RALGAPA2: variants seen among roughly 807,000 people sequenced by gnomAD.
RALGAPA2 encodes the protein Ral GTPase activating protein catalytic subunit alpha 2.
Under a neutral mutation model 230.4 loss-of-function variants are expected in RALGAPA2, and 139 were observed. The observed-to-expected ratio is 0.60, with a 90% CI of 0.53 to 0.69. The LOEUF (loss-of-function observed/expected upper bound fraction) is 0.69. RALGAPA2 is among the 30% of genes least tolerant of loss of function. RALGAPA2 has a pLI of 0.00. For missense variants in RALGAPA2, 2,163 were observed against 2,276.0 expected (o/e 0.95, Z 1.01); for synonymous variants, 847 against 837.8 (o/e 1.01, Z -0.19).
chr20:20,647,985 C>G (rs958006642), intron 4 of RALGAPA2, among the ~76,000 whole-genome samples: 9 of 152,088 alleles, frequency 5.9e-5, no homozygotes, highest in Non-Finnish European at 1.2e-4. Flanking sequence ...TCAGCCATTC[C>G]ACTCCCAAGA....
At chr20:20,511,669 G>C (rs1357145859) in intron 32 of RALGAPA2, among the ~76,000 whole-genome samples, 1 of 152,106 alleles carries the variant, frequency 6.6e-6, no homozygotes, top group Non-Finnish European at 1.5e-5. Context: ...CACTATCAGG[G>C]TCCAGCTCAA....
intron 37 of RALGAPA2, among the ~76,000 whole-genome samples, chr20:20,419,535 T>C (rs767693950): frequency 6.6e-6 from 1 of 152,088 alleles, no homozygotes; most frequent in African/African-American, 2.4e-5. Flanking sequence ...TTTCAGAAAG[T>C]TGTGGGGAAC....
intron 37 of RALGAPA2, among the ~76,000 whole-genome samples, chr20:20,450,402 A>G (rs1001927515): frequency 6.6e-6 from 1 of 152,264 alleles, no homozygotes; most frequent in Non-Finnish European, 1.5e-5. Flanking sequence ...TTTCATATTT[A>G]TTCCATACAA....
At chr20:20,435,153 C>T (rs1183591766) in intron 37 of RALGAPA2, among the ~76,000 whole-genome samples, 5 of 152,232 alleles carry the variant, frequency 3.3e-5, no homozygotes, top group Admixed American at 3.3e-4. Context: ...ACTGCAGACC[C>T]TTTTCCTCAA....
At chr20:20,684,180 C>A (rs1303160717) in intron 1 of RALGAPA2, among the ~76,000 whole-genome samples, 2 of 152,144 alleles carry the variant, frequency 1.3e-5, no homozygotes, top group Non-Finnish European at 2.9e-5. Flanking sequence ...CAAGTGCCCC[C>A]ATGTGTCACT....
intron 1 of RALGAPA2, among the ~76,000 whole-genome samples, chr20:20,711,045 C>T (rs996984485): frequency 1.1e-4 from 16 of 152,332 alleles, no homozygotes; most frequent in Admixed American, 3.3e-4. Context: ...CTCCACACTT[C>T]ACTCTCAAAA....
At chr20:20,654,470 G>A (rs1433303570) in intron 3 of RALGAPA2, among the ~76,000 whole-genome samples, 3 of 152,210 alleles carry the variant, frequency 2.0e-5, no homozygotes, top group East Asian at 3.9e-4. Context: ...GATTACAGGC[G>A]TGGGCCACCA....
At chr20:20,570,543 A>G (rs2064593403) in intron 23 of RALGAPA2, among the ~76,000 whole-genome samples, 1 of 152,238 alleles carries the variant, frequency 6.6e-6, no homozygotes, top group Non-Finnish European at 1.5e-5. Context: ...ATATTGGTTA[A>G]GAAAACCTAG....
At chr20:20,511,111 C>A in intron 33 of RALGAPA2, 143 bp downstream of exon 33, 1 of 1,335,992 alleles carries the variant, frequency 7.5e-7, no homozygotes, top group Non-Finnish European at 1.0e-6. Flanking sequence ...AACGGTATGG[C>A]ATGCGCAAAT....
intron 37 of RALGAPA2, among the ~76,000 whole-genome samples, chr20:20,463,544 G>A (rs6112902): frequency 1.3e-5 from 2 of 152,104 alleles, no homozygotes; most frequent in Non-Finnish European, 2.9e-5. Flanking sequence ...ATTTTTATTA[G>A]GATTCATTAG....
At chr20:20,646,483 C>G (rs2067220221) in intron 4 of RALGAPA2, among the ~76,000 whole-genome samples, 1 of 152,118 alleles carries the variant, frequency 6.6e-6, no homozygotes, top group Non-Finnish European at 1.5e-5. Flanking sequence ...ATACCCACCC[C>G]ACCTCTTCTG....
chr20:20,516,366 T>C (rs1377055826), intron 31 of RALGAPA2, among the ~76,000 whole-genome samples: 3 of 152,206 alleles, frequency 2.0e-5, no homozygotes, highest in African/African-American at 4.8e-5. Context: ...ATCCCACAGC[T>C]AGTACTGCAG....
intron 3 of RALGAPA2, among the ~76,000 whole-genome samples, chr20:20,658,462 G>C (rs1369356138): frequency 2.0e-5 from 3 of 152,116 alleles, no homozygotes; most frequent in Non-Finnish European, 2.9e-5. Flanking sequence ...TGCTGTGAAT[G>C]CCACATAAGC....
At chr20:20,681,983 T>C (rs1010328527) in intron 1 of RALGAPA2, among the ~76,000 whole-genome samples, 22 of 152,244 alleles carry the variant, frequency 1.4e-4, no homozygotes, top group African/African-American at 5.1e-4. Flanking sequence ...GTGGTACCAA[T>C]TGCTTTTGCA....
intron 15 of RALGAPA2, among the ~76,000 whole-genome samples, chr20:20,603,081 G>A (rs1481158498): frequency 5.3e-5 from 8 of 152,112 alleles, no homozygotes; most frequent in Non-Finnish European, 1.0e-4. Context: ...CTAGATGGAC[G>A]CCAAGGGCCC....
intron 1 of RALGAPA2, among the ~76,000 whole-genome samples, chr20:20,711,756 C>G (rs2147064840): frequency 6.6e-6 from 1 of 152,100 alleles, no homozygotes; most frequent in South Asian, 2.1e-4. Flanking sequence ...CCCCTTCACA[C>G]CAAGGACACA....
intron 18 of RALGAPA2, among the ~76,000 whole-genome samples, chr20:20,585,269 C>G (rs1434223640): frequency 6.6e-6 from 1 of 152,126 alleles, no homozygotes; most frequent in Non-Finnish European, 1.5e-5. Flanking sequence ...TGGTCAGGCA[C>G]ACATATATTG....
At chr20:20,413,438 C>G (rs879677540) in intron 37 of RALGAPA2, among the ~76,000 whole-genome samples, 1 of 152,128 alleles carries the variant, frequency 6.6e-6, no homozygotes, top group Non-Finnish European at 1.5e-5. Flanking sequence ...ATTTTCATAC[C>G]GTGAGGAGAC....
intron 23 of RALGAPA2, among the ~76,000 whole-genome samples, chr20:20,555,777 T>TA (rs2064066708): frequency 6.6e-6 from 1 of 152,222 alleles, no homozygotes; most frequent in Non-Finnish European, 1.5e-5. Flanking sequence ...CATAATTTAT[T>TA]AGTTCTAGTA....
Sources: gnomAD v4.1 joint callset for allele counts (sites outside exome capture counted in the v4.1 genomes callset) on GRCh38, gnomAD v4.1.1 for gene constraint, MANE v1.5 for transcripts, NCBI Gene and HGNC (gene_info 2026-07-23, HGNC 2026-07-21) for gene names.